The following JMJD1C variants were observed in gnomAD, a reference collection of about 807,000 sequenced individuals.
The protein encoded by JMJD1C is jumonji domain-containing protein 1C.
Under a neutral mutation model 245.3 loss-of-function variants are expected in JMJD1C, and 31 were observed. The ratio of observed to expected loss-of-function variants is 0.13; its 90% confidence interval spans 0.09 to 0.17. The LOEUF (loss-of-function observed/expected upper bound fraction) is 0.17, where lower values mean the gene tolerates loss of function less well. Among genes scored for constraint, JMJD1C ranks in the 10% least tolerant of loss-of-function variants. The pLI, the probability that JMJD1C is intolerant of heterozygous loss-of-function variation, is 1.00. For synonymous variants in JMJD1C, 1,057 were observed against 1,017.4 expected (o/e 1.04, Z -0.74); for missense variants, 2,691 against 3,000.2 (o/e 0.90, Z 2.41).
intron 2 of JMJD1C, among the ~76,000 whole-genome samples, chr10:63,361,169 T>A (rs1158963529): frequency 6.6e-6 from 1 of 152,228 alleles, no homozygotes; most frequent in Non-Finnish European, 1.5e-5. Flanking sequence ...ACATCTGTAA[T>A]CCCGGCACTT....
rs537496920 is a variant in JMJD1C at position 63,484,058 on chromosome 10, C to T, written n.113+37680G>A. 3.3e-5 allele frequency among the ~76,000 whole-genome samples: 5 copies of T among 152,214 alleles called. No individual in the cohort carries two copies. In the South Asian group the frequency reaches 1.0e-3, roughly 32 times the overall value. On this transcript the variant is annotated intron_variant and non_coding_transcript_variant, in intron 1 of 3. Transcript: ENST00000633035. ...ACTGAAGCTAAGAAAGAATAACATG[C>T]CTAAGTTATGAACATGACTTCACAG... is the stretch of plus-strand genomic sequence containing the variant.
chr10:63,289,188 T>C (rs1212556424), intron 2 of JMJD1C, among the ~76,000 whole-genome samples: 1 of 152,100 alleles, frequency 6.6e-6, no homozygotes. Context: ...CTAGTAAAGA[T>C]CACCTCAGCT....
chr10:63,312,198 C>A (rs1589448168), intron 2 of JMJD1C, among the ~76,000 whole-genome samples: 1 of 151,494 alleles, frequency 6.6e-6, no homozygotes, highest in Non-Finnish European at 1.5e-5. Flanking sequence ...ACCTCCGCCT[C>A]CCAGGTTGAA....
At chr10:63,264,799 T>C (rs1589329672) in intron 2 of JMJD1C, 35 bp from the exon 3 acceptor site, 1 of 956,062 alleles carries the variant, frequency 1.0e-6, no homozygotes, top group East Asian at 2.4e-5. Flanking sequence ...ATGATAATTT[T>C]CTGGGTAGTA....
chr10:63,292,143 G>GTTTTTTTTTTTTTTTTT (rs1396774570), intron 2 of JMJD1C, among the ~76,000 whole-genome samples: 9 of 13,534 alleles, frequency 6.6e-4, no homozygotes, highest in African/African-American at 1.3e-3. Context: ...TGTAGAGACA[G>GTTTTTTTTTTTTTTTTT]ATTTTTTTTT....
chr10:63,311,208 T>TAAA (rs35736800), intron 2 of JMJD1C, among the ~76,000 whole-genome samples: 1 of 128,772 alleles, frequency 7.8e-6, no homozygotes, highest in Non-Finnish European at 1.6e-5. Context: ...CCGGCTCTAT[T>TAAA]AAAAAAAAAA....
At chr10:63,200,424 C>T in intron 11 of JMJD1C, 52 bp downstream of exon 11, 1 of 1,360,506 alleles carries the variant, frequency 7.4e-7, no homozygotes, top group Non-Finnish European at 1.0e-6. Context: ...TATATAATTT[C>T]CAATATCAAA....
At chr10:63,240,141 A>G (rs1851301230) in intron 3 of JMJD1C, among the ~76,000 whole-genome samples, 1 of 152,226 alleles carries the variant, frequency 6.6e-6, no homozygotes, top group Non-Finnish European at 1.5e-5. Context: ...CAGTTATTAA[A>G]TAATGGTAGA....
intron 1 of JMJD1C, among the ~76,000 whole-genome samples, chr10:63,518,233 T>C (rs1955085585): frequency 6.6e-6 from 1 of 152,178 alleles, no homozygotes; most frequent in Non-Finnish European, 1.5e-5. Context: ...GAGAGACTCT[T>C]CTCAGATGAA....
At chr10:63,388,376 C>T (rs1246214315) in intron 1 of JMJD1C, among the ~76,000 whole-genome samples, 3 of 148,816 alleles carry the variant, frequency 2.0e-5, no homozygotes, top group East Asian at 3.9e-4. Flanking sequence ...ATATACTATA[C>T]CAAACAATGT....
intron 2 of JMJD1C, among the ~76,000 whole-genome samples, chr10:63,337,203 T>C (rs866319231): frequency 1.7e-4 from 26 of 151,658 alleles, no homozygotes; most frequent in Middle Eastern, 3.4e-3. Flanking sequence ...AACTCCACCA[T>C]TGAGACCGGC....
intron 1 of JMJD1C, among the ~76,000 whole-genome samples, chr10:63,446,996 T>C (rs188128751): frequency 4.3e-4 from 66 of 152,260 alleles, no homozygotes; most frequent in African/African-American, 1.6e-3. Context: ...TACTCTGTTA[T>C]TATATTTATG....
intron 1 of JMJD1C, among the ~76,000 whole-genome samples, chr10:63,450,354 G>A (rs1162940164): frequency 6.6e-6 from 1 of 151,998 alleles, no homozygotes; most frequent in African/African-American, 2.4e-5. Context: ...GTTCACAGCA[G>A]CATTATTACC....
At position 63,465,792 on chromosome 10, in the gene JMJD1C, C is replaced by G. The variant is rs754314570; in HGVS notation, c.-130G>C. The G allele has an allele frequency of 2.8e-6, 3 of 1,081,416 alleles. No homozygotes were observed. In the African/African-American group the frequency reaches 4.6e-5, roughly 17 times the overall value. 67.0% of individuals were successfully genotyped at this position (1,081,416 alleles called of 1,614,324 possible). On this transcript the variant is annotated 5_prime_UTR_variant, in exon 1 of 26. Transcript: ENST00000399262. ...CAGCGGACCCGAAAGAGCGCAGACTCGGGACGAACCGGCCGCTCTGCCCCG... is the reference window on the plus strand; with the variant it reads ...CAGCGGACCCGAAAGAGCGCAGACTGGGGACGAACCGGCCGCTCTGCCCCG...
intron 8 of JMJD1C, among the ~76,000 whole-genome samples, chr10:63,210,158 A>G (rs1847151695): frequency 1.3e-5 from 2 of 152,310 alleles, no homozygotes; most frequent in South Asian, 2.1e-4. Flanking sequence ...TATACACATA[A>G]GGATCAAATA....
intron 2 of JMJD1C, among the ~76,000 whole-genome samples, chr10:63,335,441 T>C (rs1316956902): frequency 6.6e-6 from 1 of 152,190 alleles, no homozygotes; most frequent in Non-Finnish European, 1.5e-5. Flanking sequence ...AAAAAGAAAA[T>C]TGATTCCAAA....
At chr10:63,435,384 T>A (rs1392066474) in intron 1 of JMJD1C, among the ~76,000 whole-genome samples, 1 of 152,138 alleles carries the variant, frequency 6.6e-6, no homozygotes, top group Non-Finnish European at 1.5e-5. Context: ...AATGACTGAA[T>A]AAATCAAATA....
chr10:63,491,048 G>A (rs10740129), intron 1 of JMJD1C, among the ~76,000 whole-genome samples: 63,946 of 152,090 alleles, frequency 0.42, 14,178 homozygotes, highest in South Asian at 0.53. Context: ...CTGAGATGAC[G>A]AATTGTTGTA....
chr10:63,468,782 G>C (rs980629052), upstream of JMJD1C, among the ~76,000 whole-genome samples: 1 of 152,096 alleles, frequency 6.6e-6, no homozygotes, highest in Non-Finnish European at 1.5e-5. Flanking sequence ...GAGATTATTT[G>C]ATTTTTTCCC....
Sources: allele counts gnomAD v4.1 joint callset (sites outside exome capture counted in the v4.1 genomes callset), GRCh38; gene constraint gnomAD v4.1.1; transcripts MANE v1.5; gene names NCBI Gene and HGNC (gene_info 2026-07-23, HGNC 2026-07-21).